The following RBFOX1 variants were observed in gnomAD, a reference collection of about 807,000 sequenced individuals.
RBFOX1 encodes RNA binding protein fox-1 homolog 1.
A neutral mutation model predicts 57.7 loss-of-function variants in RBFOX1; 8 were observed. That is an observed-to-expected ratio of 0.14 (90% CI 0.08 to 0.25). The LOEUF is 0.25. RBFOX1 is among the 10% of genes least tolerant of loss of function. RBFOX1 has a pLI of 1.00. For missense variants in RBFOX1, 611 were observed against 548.5 expected, an observed-to-expected ratio of 1.11 and a Z score of -1.14; for synonymous variants, 326 against 222.4, an observed-to-expected ratio of 1.47 and a Z score of -4.15.
chr16:5,394,374 C>T (rs1378178636), intron 1 of RBFOX1, among the ~76,000 whole-genome samples: 1 of 152,162 alleles, frequency 6.6e-6, no homozygotes, highest in Non-Finnish European at 1.5e-5. Context: ...GCTCACATTG[C>T]TCTATTCCCT....
intron 3 of RBFOX1, among the ~76,000 whole-genome samples, chr16:6,709,336 G>A (rs1421780207): frequency 1.3e-5 from 2 of 152,002 alleles, no homozygotes; most frequent in African/African-American, 4.8e-5. Flanking sequence ...TAATTAAAGG[G>A]TTTCATTTTG....
chr16:5,501,967 C>A (rs547354628), intron 2 of RBFOX1, among the ~76,000 whole-genome samples: 39 of 152,096 alleles, frequency 2.6e-4, no homozygotes, highest in African/African-American at 9.4e-4. Flanking sequence ...AAGTGATCCT[C>A]CCACCTTGGC....
chr16:6,449,948 G>A (rs1041792194), intron 2 of RBFOX1, among the ~76,000 whole-genome samples: 1 of 152,188 alleles, frequency 6.6e-6, no homozygotes, highest in African/African-American at 2.4e-5. Context: ...GATGATGCCA[G>A]GTCAGGAGAG....
chr16:6,220,080 A>G (rs768785605), intron 1 of RBFOX1, among the ~76,000 whole-genome samples: 13 of 152,016 alleles, frequency 8.6e-5, no homozygotes, highest in East Asian at 1.9e-4. Flanking sequence ...GTATTTATCT[A>G]TATTTTTCTA....
chr16:5,656,673 C>A (rs1223218879), intron 3 of RBFOX1, among the ~76,000 whole-genome samples: 1 of 152,190 alleles, frequency 6.6e-6, no homozygotes, highest in Non-Finnish European at 1.5e-5. Context: ...TAGCCATACC[C>A]AAGGATTCTT....
chr16:7,096,094 T>G (rs1240891041), intron 4 of RBFOX1, among the ~76,000 whole-genome samples: 1 of 152,044 alleles, frequency 6.6e-6, no homozygotes, highest in Non-Finnish European at 1.5e-5. Context: ...TGTGCTAAGT[T>G]CTGACGACCC....
chr16:7,016,073 C>G (rs2093895812), intron 3 of RBFOX1, among the ~76,000 whole-genome samples: 1 of 152,122 alleles, frequency 6.6e-6, no homozygotes, highest in African/African-American at 2.4e-5. Flanking sequence ...GACCATAAGG[C>G]TTGTTCTTGC....
intron 3 of RBFOX1, among the ~76,000 whole-genome samples, chr16:5,704,774 C>T (rs1052547014): frequency 3.3e-5 from 5 of 152,148 alleles, no homozygotes; most frequent in African/African-American, 1.2e-4. Context: ...ACTATGTGTG[C>T]TCTGGCAGCA....
At chr16:7,413,324 C>T (rs917113034) in intron 4 of RBFOX1, among the ~76,000 whole-genome samples, 3 of 152,080 alleles carry the variant, frequency 2.0e-5, no homozygotes, top group African/African-American at 7.2e-5. Flanking sequence ...GACCCCCTGC[C>T]TCCCTTCCCC....
chr16:6,700,056 C>G (rs907011182), intron 3 of RBFOX1, among the ~76,000 whole-genome samples: 1 of 152,128 alleles, frequency 6.6e-6, no homozygotes, highest in South Asian at 2.1e-4. Flanking sequence ...TAAAACCTCT[C>G]TCTCATCAAA....
intron 1 of RBFOX1, chr16:6,038,607 A>C (rs1051637120): frequency 4.7e-5 from 7 of 147,416 alleles, no homozygotes; most frequent in African/African-American, 7.4e-5. Flanking sequence ...ATATATATAT[A>C]TCTCCATGGA....
rs11863972 is a variant in RBFOX1, at chr16:7,508,068, A to C, written c.28-10079A>C. 6.3e-3 allele frequency among the ~76,000 whole-genome samples: 935 copies of C among 148,346 alleles called. 8 individuals are homozygous for C. The highest frequency in any genetic ancestry group is 0.022 in the African/African-American group (892 of 40,222). ...GTGATGCAATCTTGGATCACTGCAC[A>C]CTCCACCTCCCGGGTTCAAGCGATT... On this transcript the variant is annotated intron_variant, in intron 4 of 15. Coordinates refer to ENST00000550418, the MANE Select transcript of RBFOX1 (RefSeq NM_018723.4).
intron 3 of RBFOX1, among the ~76,000 whole-genome samples, chr16:7,036,621 AG>A (rs1271236260): frequency 6.6e-6 from 1 of 152,028 alleles, no homozygotes; most frequent in Non-Finnish European, 1.5e-5. Context: ...TGAAACCGTA[AG>A]GCGGAGGTTG....
Position 7,691,470 on chromosome 16 carries a change from G to A in RBFOX1, c.995+14632G>A, listed in dbSNP as rs547903599. 4.6e-5 allele frequency among the ~76,000 whole-genome samples: 7 copies of A among 151,974 alleles called. No individual in the cohort carries two copies. In the East Asian group the frequency reaches 1.4e-3, roughly 29 times the overall value. On this transcript the variant is annotated intron_variant, in intron 14 of 15. Transcript: ENST00000550418. ...AAAGGAGAAAAGGAAGGAAAGGGTA[G>A]GAGAGGAAAAGAGGAAGAAAGGAGG...
intron 4 of RBFOX1, among the ~76,000 whole-genome samples, chr16:7,295,171 A>T (rs1276402424): frequency 1.3e-5 from 2 of 152,206 alleles, no homozygotes; most frequent in East Asian, 1.9e-4. Context: ...CATTCATTTG[A>T]TTCATTAGCA....
rs913643811 is a variant in RBFOX1, at chr16:5,882,304, G to A, written c.351+14969G>A. Among the ~76,000 whole-genome samples, 7 of 152,240 alleles carry A rather than the reference G, an allele frequency of 4.6e-5. No individual in the cohort carries two copies. In the East Asian group the frequency reaches 1.4e-3, roughly 29 times the overall value. On this transcript the variant is annotated intron_variant, in intron 4 of 19. Transcript: ENST00000641259. ...GAGGTGCAGTCACCTTAAGAAACTT[G>A]TCTTAGAGTTGGCTTCATTCAACTC...
At chr16:7,470,139 T>C (rs2061303197) in intron 4 of RBFOX1, among the ~76,000 whole-genome samples, 1 of 152,162 alleles carries the variant, frequency 6.6e-6, no homozygotes, top group South Asian at 2.1e-4. Context: ...GTGCAAATAA[T>C]GTTGCTCAGA....
At chr16:7,612,374 C>T (rs2057680266) in intron 10 of RBFOX1, among the ~76,000 whole-genome samples, 1 of 146,338 alleles carries the variant, frequency 6.8e-6, no homozygotes, top group African/African-American at 2.5e-5. Flanking sequence ...AGTCCCCACA[C>T]ACAAATCCAG....
chr16:6,899,521 G>T (rs143351312), intron 3 of RBFOX1, among the ~76,000 whole-genome samples: 23 of 152,264 alleles, frequency 1.5e-4, no homozygotes, highest in African/African-American at 5.3e-4. Flanking sequence ...GGAAAGGAAT[G>T]AGTTTATATT....
Sources: gnomAD v4.1 joint callset for allele counts (sites outside exome capture counted in the v4.1 genomes callset) on GRCh38, gnomAD v4.1.1 for gene constraint, MANE v1.5 for transcripts, NCBI Gene and HGNC (gene_info 2026-07-23, HGNC 2026-07-21) for gene names.